Variants in ERC2 observed in about 807,000 individuals in gnomAD.
ERC2 encodes the protein ELKS/RAB6-interacting/CAST family member 2.
ERC2 carries 42 observed loss-of-function variants against 114.8 expected under a neutral mutation model. That is an observed-to-expected ratio of 0.37 (90% confidence interval 0.29 to 0.47). ERC2 has a LOEUF of 0.47. ERC2 is among the 20% of genes least tolerant of loss of function. The pLI is 0.99. For synonymous variants in ERC2, 454 were observed against 425.5 expected, an observed-to-expected ratio of 1.07 and a Z score of -0.82; for missense variants, 939 against 1,150.7, an observed-to-expected ratio of 0.82 and a Z score of 2.66.
At chr3:56,182,050 G>C in intron 3 of ERC2, among the ~76,000 whole-genome samples, 1 of 152,100 alleles carries the variant, frequency 6.6e-6, no homozygotes, top group Admixed American at 6.6e-5. Context: ...GATAATAAAG[G>C]TTTGTTGTTT....
chr3:56,115,606 T>A (rs1009595051), intron 6 of ERC2, among the ~76,000 whole-genome samples: 1 of 152,184 alleles, frequency 6.6e-6, no homozygotes, highest in African/African-American at 2.4e-5. Flanking sequence ...AACATATATA[T>A]CACAGGTTCT....
At chr3:55,733,105 A>G (rs1403374989) in intron 15 of ERC2, among the ~76,000 whole-genome samples, 3 of 152,182 alleles carry the variant, frequency 2.0e-5, no homozygotes, top group Non-Finnish European at 4.4e-5. Flanking sequence ...GCTGTTTCTT[A>G]GGTCTATAAA....
chr3:55,885,593 A>C (rs913811923), intron 14 of ERC2, among the ~76,000 whole-genome samples: 1 of 152,230 alleles, frequency 6.6e-6, no homozygotes, highest in Non-Finnish European at 1.5e-5. Context: ...AATTCACCAA[A>C]AGAGGTCTTA....
At chr3:56,242,206 T>C (rs371277269) in intron 3 of ERC2, among the ~76,000 whole-genome samples, 29 of 152,182 alleles carry the variant, frequency 1.9e-4, no homozygotes, top group African/African-American at 6.5e-4. Flanking sequence ...CTAAGTGAAG[T>C]AACTCAGGAA....
At chr3:55,705,678 A>G (rs1576227749) in intron 15 of ERC2, among the ~76,000 whole-genome samples, 2 of 151,962 alleles carry the variant, frequency 1.3e-5, no homozygotes, top group Admixed American at 1.3e-4. Context: ...GATCTCCCCA[A>G]ATTCATTCAG....
intron 17 of ERC2, among the ~76,000 whole-genome samples, chr3:55,515,009 T>C (rs1442573864): frequency 6.6e-6 from 1 of 152,218 alleles, no homozygotes; most frequent in African/African-American, 2.4e-5. Flanking sequence ...CATGCTTTCA[T>C]GGAGCCTGTA....
intron 1 of ERC2, among the ~76,000 whole-genome samples, chr3:56,442,916 A>G (rs1433779599): frequency 2.6e-5 from 4 of 152,200 alleles, no homozygotes; most frequent in Admixed American, 2.0e-4. Context: ...GACTTTCTCC[A>G]TAAGAGCTTT....
intron 13 of ERC2, among the ~76,000 whole-genome samples, chr3:55,891,075 T>G (rs2149324747): frequency 6.6e-6 from 1 of 152,346 alleles, no homozygotes; most frequent in South Asian, 2.1e-4. Context: ...GGGTGATCAT[T>G]AGGGTGGTTT....
chr3:56,145,285 G>A (rs1458703292), intron 5 of ERC2, among the ~76,000 whole-genome samples: 2 of 152,070 alleles, frequency 1.3e-5, no homozygotes, highest in Non-Finnish European at 2.9e-5. Flanking sequence ...ACAGCAGATC[G>A]GCATCTTTGG....
chr3:56,066,151 A>G (rs1266186926), intron 7 of ERC2, among the ~76,000 whole-genome samples: 1 of 152,218 alleles, frequency 6.6e-6, no homozygotes, highest in Non-Finnish European at 1.5e-5. Context: ...GAACTAATTT[A>G]CATTCCCATC....
chr3:55,757,588 TAATA>T (rs2067141472), intron 14 of ERC2, among the ~76,000 whole-genome samples: 1 of 152,116 alleles, frequency 6.6e-6, no homozygotes, highest in Non-Finnish European at 1.5e-5. Flanking sequence ...ATAATTCTAA[TAATA>T]ATTATTTCAC....
At chr3:55,528,556 C>T (rs1052938799) in intron 17 of ERC2, among the ~76,000 whole-genome samples, 2 of 152,158 alleles carry the variant, frequency 1.3e-5, no homozygotes, top group African/African-American at 4.8e-5. Flanking sequence ...TTTTAGCACT[C>T]TCACAAGGCA....
chr3:55,810,114 C>T (rs1017697922), intron 14 of ERC2, among the ~76,000 whole-genome samples: 27 of 152,138 alleles, frequency 1.8e-4, no homozygotes, highest in South Asian at 6.2e-4. Flanking sequence ...CATCTTAGTC[C>T]TCCATTCATG....
At chr3:56,263,191 C>A (rs2053057486) in intron 3 of ERC2, among the ~76,000 whole-genome samples, 1 of 151,618 alleles carries the variant, frequency 6.6e-6, no homozygotes, top group Non-Finnish European at 1.5e-5. Flanking sequence ...CACTGATTTA[C>A]AAATATAATA....
intron 12 of ERC2, among the ~76,000 whole-genome samples, chr3:55,968,503 C>T (rs1000263855): frequency 1.3e-5 from 2 of 152,152 alleles, no homozygotes; most frequent in African/African-American, 4.8e-5. Context: ...GCTGCAATGA[C>T]TAATTATAAG....
chr3:55,585,048 G>A (rs1048171121), intron 17 of ERC2, among the ~76,000 whole-genome samples: 10 of 152,226 alleles, frequency 6.6e-5, no homozygotes, highest in African/African-American at 2.2e-4. Flanking sequence ...AAGCTCAGGA[G>A]GAAGCGAGGC....
At chr3:55,932,862 G>T (rs2066188703) in intron 13 of ERC2, among the ~76,000 whole-genome samples, 1 of 152,150 alleles carries the variant, frequency 6.6e-6, no homozygotes, top group African/African-American at 2.4e-5. Context: ...AAAAAAGAAG[G>T]CAATTAATAC....
At chr3:56,272,728 C>A (rs1339223918) in intron 3 of ERC2, among the ~76,000 whole-genome samples, 1 of 152,166 alleles carries the variant, frequency 6.6e-6, no homozygotes, top group Non-Finnish European at 1.5e-5. Context: ...AGAGACCATG[C>A]CATTGCACTC....
chr3:56,213,108 T>C (rs1253143960), intron 3 of ERC2, among the ~76,000 whole-genome samples: 1 of 152,110 alleles, frequency 6.6e-6, no homozygotes, highest in African/African-American at 2.4e-5. Flanking sequence ...AGACGGGTGG[T>C]TACTGCATTT....
Sources: allele counts gnomAD v4.1 joint callset (sites outside exome capture counted in the v4.1 genomes callset), GRCh38; gene constraint gnomAD v4.1.1; transcripts MANE v1.5; gene names NCBI Gene and HGNC (gene_info 2026-07-23, HGNC 2026-07-21).